GATAD2B: variants seen among roughly 807,000 people sequenced by gnomAD.
GATAD2B encodes GATA zinc finger domain containing 2B, also known as transcriptional repressor p66-beta.
A neutral mutation model predicts 64.3 loss-of-function variants in GATAD2B; 8 were observed. The observed-to-expected ratio is 0.12, with a 90% CI of 0.07 to 0.22. The LOEUF (loss-of-function observed/expected upper bound fraction) is 0.22, where lower values mean the gene tolerates loss of function less well. Ranked by LOEUF, GATAD2B falls within the 10% of genes least tolerant of loss-of-function variation. The probability of loss-of-function intolerance (pLI) is 1.00; values close to 1 mark genes in which losing one functional copy is unlikely to be tolerated. For synonymous variants in GATAD2B, 281 were observed against 271.3 expected (o/e 1.04, Z -0.35); for missense variants, 453 against 752.0 (o/e 0.60, Z 4.65).
chr1:153,914,050 C>A (rs1325163525), intron 1 of GATAD2B, among the ~76,000 whole-genome samples: 1 of 151,766 alleles, frequency 6.6e-6, no homozygotes, highest in Non-Finnish European at 1.5e-5. Flanking sequence ...CGAGACCAGC[C>A]TGGCCAACAC....
chr1:153,827,746 G>A (rs994375493), intron 2 of GATAD2B: 2 of 479,470 alleles, frequency 4.2e-6, no homozygotes, highest in African/African-American at 3.9e-5. Flanking sequence ...ACTTCCATTT[G>A]GCCTATCAGC....
Position 153,807,790 on chromosome 1 carries a change from CCTTA to C in GATAD2B, c.*2383_*2386del, listed in dbSNP as rs1674155607. 1 of 152,624 alleles carries C rather than the reference CCTTA, an allele frequency of 6.6e-6. No homozygotes were observed. The highest frequency in any genetic ancestry group is 2.1e-4 in the South Asian group (1 of 4,820). 9.5% of individuals were successfully genotyped at this position (152,624 alleles called of 1,614,324 possible). ...CAGACGGTATTGCACATTCTCTGTTCCTTACTTTTAATCTCAACTGACAAACTTG... is the reference window on the plus strand; with the variant it reads ...CAGACGGTATTGCACATTCTCTGTTCCTTTTAATCTCAACTGACAAACTTG... On this transcript the variant is annotated 3_prime_UTR_variant, in exon 11 of 11. Transcript: ENST00000368655.
At chr1:153,815,112 A>AAAAAAAC (rs1674418574) in intron 7 of GATAD2B, among the ~76,000 whole-genome samples, 5 of 112,526 alleles carry the variant, frequency 4.4e-5, no homozygotes, top group African/African-American at 1.7e-4. Context: ...AAAAAAAAAA[A>AAAAAAAC]CCAACAAAGA....
intron 1 of GATAD2B, among the ~76,000 whole-genome samples, chr1:153,830,561 C>T (rs1449761108): frequency 1.4e-5 from 2 of 144,650 alleles, no homozygotes; most frequent in Admixed American, 6.9e-5. Flanking sequence ...CTGCAAGCTC[C>T]GCCTCCCGGG....
At chr1:153,811,244 G>A (rs1557777862) in intron 10 of GATAD2B, among the ~76,000 whole-genome samples, 2 of 152,156 alleles carry the variant, frequency 1.3e-5, no homozygotes, top group South Asian at 4.1e-4. Context: ...TAAGCTTTAG[G>A]AAAAGGGGAC....
intron 1 of GATAD2B, among the ~76,000 whole-genome samples, chr1:153,885,715 T>C (rs968829614): frequency 6.6e-6 from 1 of 151,766 alleles, no homozygotes; most frequent in Non-Finnish European, 1.5e-5. Flanking sequence ...ACAAAAAAAT[T>C]AGCCGGGCGT....
At chr1:153,897,805 A>C (rs1323696254) in intron 1 of GATAD2B, among the ~76,000 whole-genome samples, 1 of 152,092 alleles carries the variant, frequency 6.6e-6, no homozygotes, top group African/African-American at 2.4e-5. Flanking sequence ...GAATTGCTGA[A>C]AACGATGCAC....
intron 1 of GATAD2B, among the ~76,000 whole-genome samples, chr1:153,918,474 A>G (rs897457078): frequency 1.3e-5 from 2 of 152,224 alleles, no homozygotes; most frequent in African/African-American, 4.8e-5. Context: ...AATCCTTCAC[A>G]ATTATAATGA....
intron 1 of GATAD2B, among the ~76,000 whole-genome samples, chr1:153,833,979 T>TC (rs77469022): frequency 3.5e-5 from 4 of 114,966 alleles, no homozygotes; most frequent in Non-Finnish European, 1.9e-5. Context: ...TCTCTCTCTC[T>TC]TTTTTTTTAT....
chr1:153,852,496 G>GC, intron 1 of GATAD2B: 1 of 763,790 alleles, frequency 1.3e-6, no homozygotes, highest in East Asian at 2.5e-5. Context: ...GACTCGATGT[G>GC]CTCTGCACAG....
intron 1 of GATAD2B, among the ~76,000 whole-genome samples, chr1:153,889,003 G>GT (rs1350261231): frequency 1.3e-5 from 2 of 152,128 alleles, no homozygotes; most frequent in Non-Finnish European, 2.9e-5. Context: ...ACCATGAGGA[G>GT]TAATAATAGA....
chr1:153,907,192 G>A (rs1167425077), intron 1 of GATAD2B, among the ~76,000 whole-genome samples: 1 of 152,224 alleles, frequency 6.6e-6, no homozygotes, highest in South Asian at 2.1e-4. Flanking sequence ...GACTCAAGCA[G>A]ATATCTGCCC....
At chr1:153,846,265 C>G (rs1055585350) in intron 1 of GATAD2B, among the ~76,000 whole-genome samples, 1 of 152,158 alleles carries the variant, frequency 6.6e-6, no homozygotes, top group African/African-American at 2.4e-5. Flanking sequence ...GACAGTCTCA[C>G]TCTGTCACCC....
Position 153,810,132 on chromosome 1 carries a change from A to G in GATAD2B, c.*45T>C. The G allele has an allele frequency of 1.3e-6, 2 of 1,560,574 alleles. No homozygotes were observed. The highest frequency in any genetic ancestry group is 1.9e-5 in the Admixed American group (1 of 51,884). On this transcript the variant is annotated 3_prime_UTR_variant, in exon 11 of 11. Coordinates refer to ENST00000368655, the MANE Select transcript of GATAD2B (RefSeq NM_020699.4). ...AGAAGTTGGGGGAATGAAAGAGGAA[A>G]GGGATAAAGGATTCAAGGATGGGGC...
Position 153,851,252 on chromosome 1 carries a change from C to A in GATAD2B, c.-1-22904G>T, listed in dbSNP as rs112749520. ...CCCTTAGCATAATGTCCTCAAGCTT[C>A]ATCCATGTTGTCACTCTTTGGGATC... On this transcript the variant is annotated intron_variant, in intron 1 of 10. Coordinates refer to ENST00000368655, the MANE Select transcript of GATAD2B (RefSeq NM_020699.4). Among the ~76,000 whole-genome samples, 1,273 of 152,292 alleles carry A rather than the reference C, an allele frequency of 8.4e-3. 7 individuals carry two copies. The highest frequency in any genetic ancestry group is 0.024 in the Middle Eastern group (7 of 294).
At chr1:153,905,032 C>T (rs917435918) in intron 1 of GATAD2B, among the ~76,000 whole-genome samples, 6 of 151,156 alleles carry the variant, frequency 4.0e-5, no homozygotes, top group East Asian at 3.9e-4. Context: ...TTAGTAGAGA[C>T]GGGGTTTCAC....
chr1:153,891,335 AGGTG>A (rs1418071930), intron 1 of GATAD2B, among the ~76,000 whole-genome samples: 3 of 151,806 alleles, frequency 2.0e-5, no homozygotes, highest in African/African-American at 7.3e-5. Flanking sequence ...TGGGAGGCCA[AGGTG>A]GGTGGGTCAC....
At chr1:153,835,438 G>A (rs1225665667) in intron 1 of GATAD2B, among the ~76,000 whole-genome samples, 1 of 151,562 alleles carries the variant, frequency 6.6e-6, no homozygotes, top group Non-Finnish European at 1.5e-5. Context: ...AAACTGCCAG[G>A]TTGGGCAGGC....
At position 153,806,642 on chromosome 1, in the gene GATAD2B, T is replaced by G. The variant is rs1674121558; in HGVS notation, c.*3535A>C. On this transcript the variant is annotated 3_prime_UTR_variant, in exon 11 of 11. Coordinates refer to ENST00000368655, the MANE Select transcript of GATAD2B (RefSeq NM_020699.4). The stretch of plus-strand genomic sequence containing the variant: ...TTTTTTTTTTCTACACAATGTACAA[T>G]TCCTTTTAAATGGATCAAGAAATAG... The G allele has an allele frequency of 6.6e-6, 1 of 151,534 alleles. No individual in the cohort carries two copies. The highest frequency in any genetic ancestry group is 1.5e-5 in the Non-Finnish European group (1 of 67,868). The allele number at this position is 151,534 out of a possible 1,614,324, so 9.4% of individuals were successfully genotyped here.
Sources: allele counts gnomAD v4.1 joint callset (sites outside exome capture counted in the v4.1 genomes callset), GRCh38; gene constraint gnomAD v4.1.1; transcripts MANE v1.5; gene names NCBI Gene and HGNC (gene_info 2026-07-23, HGNC 2026-07-21).